Variants in CHTF18 observed in about 807,000 individuals in gnomAD.
CHTF18 encodes the protein chromosome transmission fidelity factor 18, also known as chromosome transmission fidelity protein 18 homolog.
A neutral mutation model predicts 113.4 loss-of-function variants in CHTF18; 151 were observed. The ratio of observed to expected loss-of-function variants is 1.33; its 90% CI spans 1.17 to 1.52. The LOEUF (loss-of-function observed/expected upper bound fraction) is 1.52. Ranked by LOEUF, CHTF18 falls within the 40% of genes most tolerant of loss-of-function variation. The probability of loss-of-function intolerance (pLI) is 0.00; values close to 1 mark genes in which losing one functional copy is unlikely to be tolerated. For synonymous variants in CHTF18, 916 were observed against 598.8 expected (o/e 1.53, Z -7.74); for missense variants, 1,982 against 1,381.6 (o/e 1.43, Z -6.89).
In CHTF18 at chr16:796,012, C is replaced by T. The variant is rs114461038; in HGVS notation, c.2391C>T (p.Leu797=). ...QQLASLVGTM[L]AYSLTYRQER... is the part of the protein sequence containing the mutation. ...TGGCCAGCCTGGTGGGCACGATGCT[C>T]GCTTACAGCCTGACCTACCGCCAGG... is the stretch of plus-strand genomic sequence containing the variant. Residue 797 remains leucine (L), a synonymous_variant, in exon 18 of 22, where the codon CTC becomes CTT. Transcript: ENST00000262315. The T allele has an allele frequency of 2.4e-3, 3,850 of 1,606,944 alleles. 74 individuals are homozygous for T. The African/African-American group carries it at 0.043, about 18-fold the overall frequency.
chr16:796,690 G>T (rs1270042379), intron 18 of CHTF18, 27 bp from the exon 19 acceptor site: 3 of 1,571,998 alleles, frequency 1.9e-6, no homozygotes, highest in African/African-American at 2.7e-5. Flanking sequence ...CCGCTGACCT[G>T]CCCTGGTGTC....
At position 796,936 on chromosome 16, in the gene CHTF18, A is replaced by G. The variant is rs763421437; in HGVS notation, c.2602-25A>G. On this transcript the variant is annotated intron_variant, in intron 19 of 21. Transcript: ENST00000262315. ...CCCCACTGTATCCCTGTGTGGCCAGATCTCACAATGCCTGCTCCCTACAGG... is the reference window on the plus strand; with the variant it reads ...CCCCACTGTATCCCTGTGTGGCCAGGTCTCACAATGCCTGCTCCCTACAGG... 5 of 1,530,244 alleles carry G rather than the reference A, an allele frequency of 3.3e-6. No homozygotes were observed. The Admixed American group carries it at 7.8e-5, about 24-fold the overall frequency. 94.8% of individuals were successfully genotyped at this position (1,530,244 alleles called of 1,614,324 possible). A position where few individuals can be genotyped will look rare whatever the true frequency, so the allele number is the denominator to read the frequency against.
At chr16:793,539 TCCAGGGCGCC>T in intron 14 of CHTF18, 1 of 584,546 alleles carries the variant, frequency 1.7e-6, no homozygotes. Flanking sequence ...GGCGTCCCTC[TCCAGGGCGCC>T]CCTTGACTCA....
chr16:790,178 G>A lies in CHTF18; in HGVS notation c.608G>A (p.Gly203Asp). 6.3e-7 allele frequency: 1 copy of A among 1,593,776 alleles called. No individual in the cohort carries two copies. The highest frequency in any genetic ancestry group is 1.7e-5 in the Admixed American group (1 of 57,460). ...RADPMAPGVQ[G>D]SLLHVPWRGG... ...GCAATTGTCCTCCCTTCCCCACAGG[G>A]CTCTCTCCTCCACGTCCCATGGCGA... The change falls in exon 5 of 22, where the codon GGC (glycine) becomes GAC (aspartate). Residue 203 changes from glycine to aspartate, a missense_variant and splice_region_variant. Transcript: ENST00000262315.
In CHTF18 at chr16:795,912, G is replaced by T. The variant is rs756002123; in HGVS notation, c.2326-35G>T. The stretch of plus-strand genomic sequence containing the variant: ...AGGTGAGCACACATTTGTACAGCCT[G>T]CTCAGCTCCCTGTCTGCTGCCTCCC... On this transcript the variant is annotated intron_variant, in intron 17 of 21. Coordinates refer to ENST00000262315, the MANE Select transcript of CHTF18 (RefSeq NM_022092.3). 23 of 1,601,568 alleles carry T rather than the reference G, an allele frequency of 1.4e-5. No homozygotes were observed. The South Asian group carries it at 2.2e-4, about 15-fold the overall frequency.
intron 20 of CHTF18, among the ~76,000 whole-genome samples, chr16:797,458 G>A (rs1278548635): frequency 6.6e-6 from 1 of 152,164 alleles, no homozygotes; most frequent in Non-Finnish European, 1.5e-5. Context: ...TTCTACCCAG[G>A]CCTCAGTTTC....
chr16:795,679 C>T lies in CHTF18; in HGVS notation c.2176-6C>T. 6.3e-7 allele frequency: 1 copy of T among 1,589,234 alleles called. No homozygotes were observed. The highest frequency in any genetic ancestry group is 8.5e-7 in the Non-Finnish European group (1 of 1,171,560). ...TGACCAGGCCTTGGCTCACCCCCTG[C>T]CCCAGGCCCAGAACCGGATGAGCCA... On this transcript the variant is annotated splice_region_variant and splice_polypyrimidine_tract_variant and intron_variant, in intron 16 of 21. Coordinates refer to ENST00000262315, the MANE Select transcript of CHTF18 (RefSeq NM_022092.3).
At position 791,904 on chromosome 16, in the gene CHTF18, G is replaced by A. The variant is rs1168682131; in HGVS notation, c.1158G>A (p.Val386=). The part of the protein sequence containing the change: ...PGLGKTTLAH[V]IARHAGYSVV... ...TGGGGAAGACCACCCTGGCACACGT[G>A]ATTGCGCGTCACGCGGGGTACTCTG... Residue 386 remains valine, a synonymous_variant, in exon 9 of 22, where the codon GTG becomes GTA. Transcript: ENST00000262315. 1 of 1,610,194 alleles carries A rather than the reference G, an allele frequency of 6.2e-7. No homozygotes were observed. The highest frequency in any genetic ancestry group is 8.5e-7 in the Non-Finnish European group (1 of 1,178,892).
At chr16:791,133 T>C (rs2042183948) in intron 7 of CHTF18, 28 bp from the exon 8 acceptor site, 1 of 1,592,946 alleles carries the variant, frequency 6.3e-7, no homozygotes, top group Admixed American at 1.7e-5. Context: ...GCCCTCAGGC[T>C]GTGCTTCCCT....
chr16:796,896 C>T (rs781133759), intron 19 of CHTF18, 35 bp downstream of exon 19: 8 of 1,567,388 alleles, frequency 5.1e-6, no homozygotes, highest in African/African-American at 2.7e-5. Flanking sequence ...AGGTTGCAGT[C>T]TGGGCGTGCA....
In CHTF18 at chr16:795,326, C is replaced by T; in HGVS notation, c.2145C>T (p.Pro715=). ...FHVLFASSHT[P]RITFPSSQQE... is the part of the protein sequence containing the mutation. ...TGCTGTTTGCTTCCAGCCACACACC[C>T]AGGATCACCTTCCCCAGCAGCCAGC... The change falls in exon 16 of 22, where the codon CCC becomes CCT. Residue 715 remains proline (P), a synonymous_variant. Coordinates refer to ENST00000262315, the MANE Select transcript of CHTF18 (RefSeq NM_022092.3). 8 of 1,548,348 alleles carry T rather than the reference C, an allele frequency of 5.2e-6. No homozygotes were observed. Among genetic ancestry groups the T allele is most frequent in the Non-Finnish European group, 7.0e-6 (8 of 1,146,624 alleles).
rs186666780 is a variant in CHTF18 at position 796,768 on chromosome 16, C to T, written c.2508C>T (p.Leu836=). 128 of 1,609,122 alleles carry T rather than the reference C, an allele frequency of 8.0e-5. No homozygotes were observed. In the East Asian group the frequency reaches 2.4e-3, roughly 30 times the overall value. Residue 836 remains leucine, a synonymous_variant, in exon 19 of 22, where the codon CTC becomes CTT. Coordinates refer to ENST00000262315, the MANE Select transcript of CHTF18 (RefSeq NM_022092.3). ...RFPELPARKP[L]TYQTKQLIAR... is the part of the protein sequence containing the mutation. ...CTGAGCTGCCTGCCCGCAAGCCCCT[C>T]ACCTACCAGACGAAGCAGCTCATCG...
In CHTF18 at chr16:792,208, G is replaced by T. The variant is rs1307604691; in HGVS notation, c.1203-16G>T. 1.3e-6 allele frequency: 2 copies of T among 1,567,410 alleles called. No individual in the cohort carries two copies. The highest frequency in any genetic ancestry group is 1.2e-5 in the South Asian group (1 of 85,050). On this transcript the variant is annotated splice_polypyrimidine_tract_variant and intron_variant, in intron 9 of 21. Coordinates refer to ENST00000262315, the MANE Select transcript of CHTF18 (RefSeq NM_022092.3). ...GACGCCCACTGCCCTGACGACCCCTGACCTCCCCATTGCAGTGACGACCGT... is the reference window on the plus strand; with the variant it reads ...GACGCCCACTGCCCTGACGACCCCTTACCTCCCCATTGCAGTGACGACCGT...
chr16:795,200 C>G lies in CHTF18; in HGVS notation c.2019C>G (p.Leu673=), dbSNP rs1043940955. 8 of 1,557,640 alleles carry G rather than the reference C, an allele frequency of 5.1e-6. No individual in the cohort carries two copies. Among genetic ancestry groups the G allele is most frequent in the Non-Finnish European group, 6.1e-6 (7 of 1,151,008 alleles). The change falls in exon 16 of 22, where the codon CTC becomes CTG. Residue 673 remains leucine, a synonymous_variant. Transcript: ENST00000262315. ...GCCTGGGTGCTGTGTGTGTGGCCCT[C>G]GACTGGCTGGCCTTCGATGACCTGC... is the stretch of plus-strand genomic sequence containing the variant. ...DSSLGAVCVA[L]DWLAFDDLLA...
chr16:794,009 G>T (rs780942062), intron 14 of CHTF18, 45 bp from the exon 15 acceptor site: 1 of 1,586,408 alleles, frequency 6.3e-7, no homozygotes, highest in Non-Finnish European at 8.6e-7. Context: ...GGGGCTGCCT[G>T]TGCTTTTAAC....
At chr16:789,934 G>T in intron 4 of CHTF18, 1 of 1,493,258 alleles carries the variant, frequency 6.7e-7, no homozygotes, top group South Asian at 1.2e-5. Flanking sequence ...GGTGGAGAGG[G>T]CCTCCTTGCT....
rs536286383 is a variant in CHTF18 at position 795,016 on chromosome 16, C to T, written c.1951-116C>T. The T allele has an allele frequency of 7.8e-5, 65 of 834,466 alleles. No homozygotes were observed. In the Admixed American group the frequency reaches 1.5e-3, roughly 20 times the overall value. 51.7% of individuals were successfully genotyped at this position (834,466 alleles called of 1,614,324 possible). A position where few individuals can be genotyped will look rare whatever the true frequency, so the allele number is the denominator to read the frequency against. On this transcript the variant is annotated intron_variant, in intron 15 of 21. Transcript: ENST00000262315. ...GGACCCTTGTGGAGGGTCTGCGAAG[C>T]CTCGTGGGGCAGGCGGCAGGCAGGA...
At position 788,863 on chromosome 16, in the gene CHTF18, G is replaced by A. The variant is rs1175084801; in HGVS notation, c.92-68G>A. ...GGAGGGCGTGCCGGGGGCCGAAGGG[G>A]CCTCCACGTCGCCGCTGGCGGGATC... On this transcript the variant is annotated intron_variant, in intron 1 of 21. Coordinates refer to ENST00000262315, the MANE Select transcript of CHTF18 (RefSeq NM_022092.3). 3 of 1,507,914 alleles carry A rather than the reference G, an allele frequency of 2.0e-6. No homozygotes were observed. In the African/African-American group the frequency reaches 4.3e-5, roughly 22 times the overall value. The allele number at this position is 1,507,914 out of a possible 1,614,324, so 93.4% of individuals were successfully genotyped here.
rs4984926 is a variant in CHTF18, at chr16:790,014, A to T, written c.607-163A>T. The T allele has an allele frequency of 7.2e-6, 11 of 1,535,118 alleles. No individual in the cohort carries two copies. The Admixed American group carries it at 2.0e-4, about 27-fold the overall frequency. On this transcript the variant is annotated intron_variant, in intron 4 of 21. Transcript: ENST00000262315. Reference sequence around the variant, plus strand: ...CCCAATTTCCCTTTGCAGCTGACCCATCTGGATGGCTTCATTCCTTTGGCA... The same window carrying T: ...CCCAATTTCCCTTTGCAGCTGACCCTTCTGGATGGCTTCATTCCTTTGGCA...
Sources: gnomAD v4.1 joint callset for allele counts (sites outside exome capture counted in the v4.1 genomes callset) on GRCh38, gnomAD v4.1.1 for gene constraint, MANE v1.5 for transcripts, NCBI Gene and HGNC (gene_info 2026-07-23, HGNC 2026-07-21) for gene names.